The following EPHA6 variants were observed in gnomAD, a reference collection of about 807,000 sequenced individuals.
EPHA6 encodes ephrin type-A receptor 6.
Under a neutral mutation model 112.0 loss-of-function variants are expected in EPHA6, and 50 were observed. That is an observed-to-expected ratio of 0.45 (90% confidence interval 0.36 to 0.56). The LOEUF (loss-of-function observed/expected upper bound fraction) is 0.56. EPHA6 is among the 20% of genes least tolerant of loss of function. The pLI is 0.00. For missense variants in EPHA6, 1,280 were observed against 1,417.4 expected (o/e 0.90, Z 1.56); for synonymous variants, 529 against 490.7 (o/e 1.08, Z -1.03).
At chr3:97,059,855 T>C (rs1275643589) in intron 3 of EPHA6, among the ~76,000 whole-genome samples, 1 of 152,008 alleles carries the variant, frequency 6.6e-6, no homozygotes, top group African/African-American at 2.4e-5. Flanking sequence ...CAGTGGCTCA[T>C]GCCTGTAATC....
chr3:97,084,888 T>C (rs555050780), intron 3 of EPHA6, among the ~76,000 whole-genome samples: 50 of 152,276 alleles, frequency 3.3e-4, no homozygotes, highest in Non-Finnish European at 5.9e-4. Flanking sequence ...TTTAAAACTT[T>C]AGTTATCTAA....
At position 97,532,552 on chromosome 3, in the gene EPHA6, CT is replaced by C. The variant is rs1560106830; in HGVS notation, c.2386+10del. On this transcript the variant is annotated intron_variant, in intron 11 of 17. Coordinates refer to ENST00000389672, the MANE Select transcript of EPHA6 (RefSeq NM_001080448.3). ...AGGGGTTGTCACCAAAAGTAAGTTACTGAGTTTCTTCATTACTTCTTTCACA... is the reference window on the plus strand; with the variant it reads ...AGGGGTTGTCACCAAAAGTAAGTTACGAGTTTCTTCATTACTTCTTTCACA... The C allele has an allele frequency of 1.9e-6, 3 of 1,584,510 alleles. No individual in the cohort carries two copies. The highest frequency in any genetic ancestry group is 2.6e-6 in the Non-Finnish European group (3 of 1,167,766).
At chr3:97,491,241 C>T (rs1168550655) in intron 10 of EPHA6, among the ~76,000 whole-genome samples, 2 of 152,160 alleles carry the variant, frequency 1.3e-5, no homozygotes, top group African/African-American at 4.8e-5. Context: ...TAAAAGTTTG[C>T]CTACTACAAA....
intron 4 of EPHA6, among the ~76,000 whole-genome samples, chr3:97,226,726 C>G (rs1308376658): frequency 1.3e-5 from 2 of 152,292 alleles, no homozygotes; most frequent in Admixed American, 1.3e-4. Flanking sequence ...TTGAAGGCTG[C>G]ATGAGAAGTT....
At chr3:97,745,674 A>G in intron 16 of EPHA6, 1 of 168,658 alleles carries the variant, frequency 5.9e-6, no homozygotes, top group Non-Finnish European at 1.3e-5. Context: ...GTTTAGAAAA[A>G]GGTAGGTCAA....
chr3:97,156,331 A>G (rs2108387977), intron 3 of EPHA6, among the ~76,000 whole-genome samples: 1 of 152,310 alleles, frequency 6.6e-6, no homozygotes, highest in Non-Finnish European at 1.5e-5. Context: ...AATAATTATT[A>G]AAATTTTAGA....
intron 2 of EPHA6, among the ~76,000 whole-genome samples, chr3:96,920,596 T>C (rs1576036102): frequency 6.6e-6 from 1 of 152,114 alleles, no homozygotes; most frequent in East Asian, 1.9e-4. Context: ...TATGTAGCTC[T>C]TTCTTTCATC....
intron 3 of EPHA6, among the ~76,000 whole-genome samples, chr3:97,026,665 A>T (rs181320388): frequency 6.6e-6 from 1 of 152,310 alleles, no homozygotes; most frequent in Non-Finnish European, 1.5e-5. Flanking sequence ...GAAGACATAC[A>T]TGTGGCCAAT....
intron 3 of EPHA6, among the ~76,000 whole-genome samples, chr3:97,187,424 G>A (rs1174496696): frequency 1.3e-5 from 2 of 151,740 alleles, no homozygotes; most frequent in Non-Finnish European, 2.9e-5. Context: ...ACAAAAATTA[G>A]CTGGGCATGG....
At chr3:97,372,693 A>G (rs1222826093) in intron 5 of EPHA6, among the ~76,000 whole-genome samples, 5 of 152,144 alleles carry the variant, frequency 3.3e-5, no homozygotes, top group African/African-American at 1.2e-4. Flanking sequence ...AAGACATAAT[A>G]TACATAATAT....
chr3:97,431,400 C>G lies in EPHA6; in HGVS notation c.1732-17168C>G, dbSNP rs76333386. On this transcript the variant is annotated intron_variant, in intron 6 of 17. Coordinates refer to ENST00000389672, the MANE Select transcript of EPHA6 (RefSeq NM_001080448.3). ...TTAAGGCAGTATTTTTAAAGTTTGT[C>G]ATGGTTGAATAGAATATAAATTAAT... Among the ~76,000 whole-genome samples the G allele has an allele frequency of 8.2e-3, 1,250 of 152,154 alleles. 20 individuals are homozygous for G. Among genetic ancestry groups the G allele is most frequent in the African/African-American group, 0.028 (1,167 of 41,534 alleles).
At chr3:97,717,188 G>A (rs1022616436) in intron 14 of EPHA6, among the ~76,000 whole-genome samples, 2 of 140,488 alleles carry the variant, frequency 1.4e-5, no homozygotes, top group Non-Finnish European at 3.0e-5. Context: ...CCAGGATCGC[G>A]CCATTGCACT....
At chr3:97,706,609 G>A (rs956895095) in intron 14 of EPHA6, among the ~76,000 whole-genome samples, 7 of 152,178 alleles carry the variant, frequency 4.6e-5, no homozygotes, top group African/African-American at 7.2e-5. Context: ...ACGCTGTGTC[G>A]CCCTTCTGTG....
At chr3:97,464,749 T>C (rs764452423) in intron 7 of EPHA6, among the ~76,000 whole-genome samples, 1 of 152,092 alleles carries the variant, frequency 6.6e-6, no homozygotes, top group Non-Finnish European at 1.5e-5. Context: ...AAAAGTTATA[T>C]TGAACTGCGT....
intron 5 of EPHA6, among the ~76,000 whole-genome samples, chr3:97,305,903 A>T (rs2081299395): frequency 6.6e-6 from 1 of 151,938 alleles, no homozygotes; most frequent in Non-Finnish European, 1.5e-5. Context: ...TTCAGAAAAT[A>T]AAACTGTAAA....
chr3:97,728,477 C>G (rs144732675), intron 15 of EPHA6, among the ~76,000 whole-genome samples: 10 of 152,210 alleles, frequency 6.6e-5, no homozygotes, highest in African/African-American at 2.4e-4. Context: ...CTGGTTCTGT[C>G]TGTATTTTTG....
chr3:97,077,015 A>C (rs1206064561), intron 3 of EPHA6, among the ~76,000 whole-genome samples: 1 of 152,118 alleles, frequency 6.6e-6, no homozygotes, highest in Non-Finnish European at 1.5e-5. Context: ...TGTTGTATTC[A>C]TGTCTGCTAA....
intron 6 of EPHA6, among the ~76,000 whole-genome samples, chr3:97,434,704 T>C (rs1237143126): frequency 2.6e-5 from 4 of 152,152 alleles, no homozygotes; most frequent in African/African-American, 4.8e-5. Flanking sequence ...ATAAATATTG[T>C]ATCTCTTGAA....
chr3:97,579,289 T>C (rs559313964), intron 11 of EPHA6, among the ~76,000 whole-genome samples: 2 of 151,598 alleles, frequency 1.3e-5, no homozygotes, highest in African/African-American at 4.8e-5. Flanking sequence ...TAGGCTGCAC[T>C]TATTTTTATA....
Sources: gnomAD v4.1 joint callset for allele counts (sites outside exome capture counted in the v4.1 genomes callset) on GRCh38, gnomAD v4.1.1 for gene constraint, MANE v1.5 for transcripts, NCBI Gene and HGNC (gene_info 2026-07-23, HGNC 2026-07-21) for gene names.